LRRTM4: variants seen among roughly 807,000 people sequenced by gnomAD.
LRRTM4 encodes leucine rich repeat transmembrane neuronal 4, also known as leucine-rich repeat transmembrane neuronal protein 4.
A neutral mutation model predicts 47.6 loss-of-function variants in LRRTM4; 25 were observed. That is an observed-to-expected ratio of 0.53 (90% CI 0.38 to 0.73). The LOEUF (loss-of-function observed/expected upper bound fraction) is 0.73. LRRTM4 is among the 30% of genes least tolerant of loss of function. LRRTM4 has a pLI of 0.00. For missense variants in LRRTM4, 638 were observed against 713.4 expected (o/e 0.89, Z 1.20); for synonymous variants, 311 against 269.5 (o/e 1.15, Z -1.51).
At chr2:77,223,970 C>T (rs1308584854) in intron 3 of LRRTM4, among the ~76,000 whole-genome samples, 1 of 151,978 alleles carries the variant, frequency 6.6e-6, no homozygotes, top group African/African-American at 2.4e-5. Flanking sequence ...TGCTACAAGG[C>T]TACAGTAACC....
At chr2:76,938,981 A>C (rs951356343) in intron 3 of LRRTM4, among the ~76,000 whole-genome samples, 1 of 152,066 alleles carries the variant, frequency 6.6e-6, no homozygotes, top group East Asian at 1.9e-4. Context: ...TAATTCTGTG[A>C]AGAATTTTCT....
chr2:77,401,315 C>T (rs924201474), intron 3 of LRRTM4, among the ~76,000 whole-genome samples: 31 of 151,946 alleles, frequency 2.0e-4, no homozygotes, highest in African/African-American at 6.8e-4. Context: ...TTATAGAATA[C>T]TTAAATGGTT....
chr2:77,495,472 C>T (rs762902686), intron 3 of LRRTM4, among the ~76,000 whole-genome samples: 2 of 151,980 alleles, frequency 1.3e-5, no homozygotes, highest in African/African-American at 2.4e-5. Flanking sequence ...ACTTGCCTAA[C>T]GTAAGGTCAC....
At chr2:77,080,196 C>T (rs937363024) in intron 3 of LRRTM4, among the ~76,000 whole-genome samples, 1 of 152,174 alleles carries the variant, frequency 6.6e-6, no homozygotes, top group Admixed American at 6.5e-5. Context: ...CCTTGAAATT[C>T]TTTCTGTACT....
intron 3 of LRRTM4, among the ~76,000 whole-genome samples, chr2:77,218,098 A>C (rs1451231482): frequency 1.3e-5 from 2 of 152,122 alleles, no homozygotes; most frequent in Non-Finnish European, 2.9e-5. Context: ...AGGTTCAAAC[A>C]ATTCTTCTGC....
chr2:77,104,488 TC>T (rs1358532631), intron 3 of LRRTM4, among the ~76,000 whole-genome samples: 7 of 152,180 alleles, frequency 4.6e-5, no homozygotes, highest in African/African-American at 1.7e-4. Context: ...TTGTAGGTAT[TC>T]CTTTAGGACA....
At chr2:77,124,581 C>A (rs1370160283) in intron 3 of LRRTM4, among the ~76,000 whole-genome samples, 2 of 152,148 alleles carry the variant, frequency 1.3e-5, no homozygotes, top group Admixed American at 6.6e-5. Flanking sequence ...GTCACATCAT[C>A]ACACCAGATG....
At chr2:77,063,658 A>G (rs1018968198) in intron 3 of LRRTM4, among the ~76,000 whole-genome samples, 2 of 152,178 alleles carry the variant, frequency 1.3e-5, no homozygotes, top group South Asian at 4.1e-4. Context: ...AACTCTTTTT[A>G]TAACTCCCAA....
intron 3 of LRRTM4, among the ~76,000 whole-genome samples, chr2:76,956,387 G>A (rs1675676370): frequency 6.6e-6 from 1 of 151,470 alleles, no homozygotes; most frequent in Admixed American, 6.6e-5. Flanking sequence ...TTGTCCAAAG[G>A]GAAATTAGAA....
intron 3 of LRRTM4, among the ~76,000 whole-genome samples, chr2:77,284,058 A>T (rs1676584582): frequency 1.3e-5 from 2 of 152,234 alleles, no homozygotes; most frequent in East Asian, 3.9e-4. Flanking sequence ...TGTCTCCTGT[A>T]TATCTAAAAA....
chr2:76,991,635 C>T (rs1037118529), intron 3 of LRRTM4, among the ~76,000 whole-genome samples: 3 of 151,524 alleles, frequency 2.0e-5, no homozygotes, highest in Admixed American at 6.6e-5. Flanking sequence ...GAAATTGCAT[C>T]AATCATAAAA....
intron 3 of LRRTM4, among the ~76,000 whole-genome samples, chr2:76,793,638 G>T (rs558977306): frequency 1.3e-5 from 2 of 151,996 alleles, no homozygotes; most frequent in African/African-American, 2.4e-5. Context: ...AGGAAAAAGC[G>T]CAAAAGAGGG....
intron 3 of LRRTM4, among the ~76,000 whole-genome samples, chr2:77,093,605 G>A (rs897992845): frequency 2.0e-5 from 3 of 151,302 alleles, no homozygotes; most frequent in Admixed American, 2.0e-4. Flanking sequence ...AAAAATTTTC[G>A]CTGCCCCAAC....
intron 3 of LRRTM4, among the ~76,000 whole-genome samples, chr2:77,240,512 TA>T (rs762317773): frequency 6.6e-6 from 1 of 151,994 alleles, no homozygotes; most frequent in Non-Finnish European, 1.5e-5. Flanking sequence ...TTTTCTAAGA[TA>T]AAAATGTCAA....
chr2:77,300,069 C>G (rs1677090567), intron 3 of LRRTM4, among the ~76,000 whole-genome samples: 1 of 151,988 alleles, frequency 6.6e-6, no homozygotes, highest in African/African-American at 2.4e-5. Context: ...CCAGGATGGT[C>G]TCGATCTCTT....
intron 3 of LRRTM4, among the ~76,000 whole-genome samples, chr2:77,047,492 G>A (rs948172795): frequency 2.0e-5 from 3 of 151,862 alleles, no homozygotes; most frequent in South Asian, 2.1e-4. Flanking sequence ...ACGCCCCTCC[G>A]TGCACTTCCG....
intron 3 of LRRTM4, among the ~76,000 whole-genome samples, chr2:76,966,861 G>A (rs897765944): frequency 2.0e-5 from 3 of 151,316 alleles, no homozygotes; most frequent in East Asian, 2.0e-4. Context: ...CCTCTCTGAC[G>A]ACTTTTCAGA....
At chr2:77,113,829 C>T (rs1001676261) in intron 3 of LRRTM4, among the ~76,000 whole-genome samples, 1 of 151,974 alleles carries the variant, frequency 6.6e-6, no homozygotes, top group African/African-American at 2.4e-5. Context: ...TAGTTTGGCC[C>T]CGGAGCCATT....
chr2:76,937,932 T>C lies in LRRTM4; in HGVS notation c.1552-189016A>G, dbSNP rs981686137. Among the ~76,000 whole-genome samples, 9 of 152,266 alleles carry C rather than the reference T, an allele frequency of 5.9e-5. No homozygotes were observed. In the South Asian group the frequency reaches 1.9e-3, roughly 32 times the overall value. ...ATTGCATAGTATCCTTAGATCAAAG[T>C]ATAACTTACGAAAAATGGAGGAGCT... On this transcript the variant is annotated intron_variant, in intron 3 of 3. Transcript: ENST00000409884.
Sources: gnomAD v4.1 joint callset for allele counts (sites outside exome capture counted in the v4.1 genomes callset) on GRCh38, gnomAD v4.1.1 for gene constraint, MANE v1.5 for transcripts, NCBI Gene and HGNC (gene_info 2026-07-23, HGNC 2026-07-21) for gene names.